EXOC2: variants seen among roughly 807,000 people sequenced by gnomAD.
The protein encoded by EXOC2 is exocyst complex component 2, also known as SEC5-like 1.
EXOC2 carries 70 observed loss-of-function variants against 131.8 expected under a neutral mutation model. The ratio of observed to expected loss-of-function variants is 0.53; its 90% CI spans 0.44 to 0.65. EXOC2 has a LOEUF of 0.65. Among genes scored for constraint, EXOC2 ranks in the 30% least tolerant of loss-of-function variants. EXOC2 has a pLI of 0.00. For missense variants in EXOC2, 923 were observed against 1,108.6 expected, an observed-to-expected ratio of 0.83 and a Z score of 2.38; for synonymous variants, 411 against 398.4, an observed-to-expected ratio of 1.03 and a Z score of -0.38.
At chr6:491,586 T>G (rs1032830789) in intron 25 of EXOC2, among the ~76,000 whole-genome samples, 1 of 152,278 alleles carries the variant, frequency 6.6e-6, no homozygotes, top group Non-Finnish European at 1.5e-5. Flanking sequence ...GGATGTGGCT[T>G]GGCATGCTTC....
Position 617,814 on chromosome 6 carries a change from T to C in EXOC2, c.558A>G (p.Ala186=), listed in dbSNP as rs1761090473. ...TAGCCTGTCTCTTTAGGTTGGTGAC[T>C]GCCATTTTGAGCTGCTCAAAACTGA... The part of the protein sequence containing the change: ...SNTSFEQLKM[A]VTNLKRQANK... The change falls in exon 6 of 28, where the codon GCA becomes GCG. Residue 186 remains alanine (A), a synonymous_variant. Coordinates refer to ENST00000230449, the MANE Select transcript of EXOC2 (RefSeq NM_018303.6). 6.2e-7 allele frequency: 1 copy of C among 1,613,554 alleles called. No homozygotes were observed. Among genetic ancestry groups the C allele is most frequent in the Admixed American group, 1.7e-5 (1 of 59,916 alleles).
At chr6:579,808 A>G (rs568785261) in intron 11 of EXOC2, among the ~76,000 whole-genome samples, 1 of 152,292 alleles carries the variant, frequency 6.6e-6, no homozygotes, top group Non-Finnish European at 1.5e-5. Context: ...CTCCTTTTAA[A>G]TTACATAACT....
intron 11 of EXOC2, among the ~76,000 whole-genome samples, chr6:583,097 CA>C (rs1384561809): frequency 6.6e-6 from 1 of 152,134 alleles, no homozygotes; most frequent in African/African-American, 2.4e-5. Flanking sequence ...ATGTTTTTGT[CA>C]AAGTCCTATG....
chr6:567,382 C>T (rs550547434), intron 13 of EXOC2, among the ~76,000 whole-genome samples: 8 of 152,294 alleles, frequency 5.3e-5, no homozygotes, highest in South Asian at 2.1e-4. Context: ...CTCCAGAGAG[C>T]GGCCTTCCCT....
At chr6:633,167 G>C in intron 2 of EXOC2, 50 bp from the exon 3 acceptor site, 1 of 1,576,786 alleles carries the variant, frequency 6.3e-7, no homozygotes, top group Non-Finnish European at 8.6e-7. Flanking sequence ...AGAACAATAA[G>C]ACCTTAATCG....
intron 6 of EXOC2, among the ~76,000 whole-genome samples, chr6:615,862 TATAAAA>T (rs758857261): frequency 6.6e-6 from 1 of 152,196 alleles, no homozygotes; most frequent in Non-Finnish European, 1.5e-5. Context: ...ACATATCACC[TATAAAA>T]ATAAAGTTTG....
chr6:671,163 T>G lies in EXOC2; in HGVS notation c.-44+21856A>C, dbSNP rs143482165. On this transcript the variant is annotated intron_variant, in intron 1 of 27. Transcript: ENST00000230449. ...CTTGAGGTCAGGAGTTAGAGACCAG[T>G]CTGGCCAACATGGCAAAATCCCGTC... is the stretch of plus-strand genomic sequence containing the variant. Among the ~76,000 whole-genome samples, 1,053 of 151,170 alleles carry G rather than the reference T, an allele frequency of 7.0e-3. 18 individuals are homozygous for G. Among genetic ancestry groups the G allele is most frequent in the African/African-American group, 0.025 (1,011 of 41,206 alleles).
At chr6:692,498 G>A (rs988512800) in intron 1 of EXOC2, among the ~76,000 whole-genome samples, 6 of 152,234 alleles carry the variant, frequency 3.9e-5, no homozygotes, top group African/African-American at 1.4e-4. Flanking sequence ...GGGTCACACG[G>A]CAGCGTACAT....
At chr6:550,863 A>C (rs527699856) in intron 21 of EXOC2, among the ~76,000 whole-genome samples, 1 of 152,348 alleles carries the variant, frequency 6.6e-6, no homozygotes, top group South Asian at 2.1e-4. Flanking sequence ...TTTTCCTTCC[A>C]GAGTCAAGTC....
chr6:570,714 G>A (rs766707166), intron 13 of EXOC2, among the ~76,000 whole-genome samples: 2 of 152,236 alleles, frequency 1.3e-5, no homozygotes, highest in African/African-American at 2.4e-5. Flanking sequence ...GGAAGCAGGT[G>A]CAGAGAAGTA....
intron 13 of EXOC2, among the ~76,000 whole-genome samples, chr6:565,930 T>C (rs1757941742): frequency 6.6e-6 from 1 of 152,158 alleles, no homozygotes; most frequent in African/African-American, 2.4e-5. Flanking sequence ...TGGGTTAGGA[T>C]TGTTGGGTGT....
chr6:592,937 G>A (rs374348639), intron 10 of EXOC2, among the ~76,000 whole-genome samples: 1 of 152,130 alleles, frequency 6.6e-6, no homozygotes, highest in East Asian at 1.9e-4. Flanking sequence ...GGCTGAGGCA[G>A]GAGAATCGCT....
At chr6:589,418 G>C (rs1047556606) in intron 11 of EXOC2, among the ~76,000 whole-genome samples, 1 of 152,046 alleles carries the variant, frequency 6.6e-6, no homozygotes, top group African/African-American at 2.4e-5. Flanking sequence ...TCTCAATGCC[G>C]ATCCGGAGAA....
Position 662,183 on chromosome 6 carries a change from CA to C in EXOC2, c.-43-24323del, listed in dbSNP as rs200078323. On this transcript the variant is annotated intron_variant, in intron 1 of 27. Transcript: ENST00000230449. ...TTACTAATAGATCTAAGCAATGAGA[CA>C]AACAGAAACACAATAATAGTGGGGG... Among the ~76,000 whole-genome samples, 902 of 152,228 alleles carry C rather than the reference CA, an allele frequency of 5.9e-3. 8 individuals carry two copies. The highest frequency in any genetic ancestry group is 0.02 in the African/African-American group (832 of 41,538).
intron 24 of EXOC2, among the ~76,000 whole-genome samples, chr6:498,436 C>T (rs552212433): frequency 8.5e-5 from 13 of 152,182 alleles, no homozygotes; most frequent in Admixed American, 6.5e-4. Context: ...TAGGATGCTA[C>T]CATAACAAAA....
Position 629,894 on chromosome 6 carries a change from G to T in EXOC2, c.363C>A (p.Asn121Lys). 1 of 1,614,138 alleles carries T rather than the reference G, an allele frequency of 6.2e-7. No individual in the cohort carries two copies. Among genetic ancestry groups the T allele is most frequent in the Non-Finnish European group, 8.5e-7 (1 of 1,179,986 alleles). The change falls in exon 4 of 28, where the codon AAC becomes AAA. Residue 121 changes from asparagine to lysine, a missense_variant. Transcript: ENST00000230449. ...MNYYDMRTDR[N>K]KGIPPLSLRP... Reference sequence around the variant, plus strand: ...GTAAGGACAAGGGCGGAATTCCTTTGTTCCTGTCAGTGCGCATATCATAAT... The same window carrying T: ...GTAAGGACAAGGGCGGAATTCCTTTTTTCCTGTCAGTGCGCATATCATAAT...
chr6:528,543 G>A lies in EXOC2; in HGVS notation c.2380+3926C>T, dbSNP rs894062714. 2.6e-5 allele frequency among the ~76,000 whole-genome samples: 4 copies of A among 152,222 alleles called. No individual in the cohort carries two copies. The East Asian group carries it at 5.8e-4, about 22-fold the overall frequency. On this transcript the variant is annotated intron_variant, in intron 23 of 27. Coordinates refer to ENST00000230449, the MANE Select transcript of EXOC2 (RefSeq NM_018303.6). Reference sequence around the variant, plus strand: ...TAAATAGAGTTTATAAAAGTGAAACGAGCACCGATGACTTCTACATGTTTT... The same window carrying A: ...TAAATAGAGTTTATAAAAGTGAAACAAGCACCGATGACTTCTACATGTTTT...
At position 562,492 on chromosome 6, in the gene EXOC2, C is replaced by A. The variant is rs900907887; in HGVS notation, c.1851+292G>T. ...CTGCTTTCCGGAAAAGCTCAAGTTG[C>A]TGAGTAATTTAGAATTGAGCATACT... On this transcript the variant is annotated intron_variant, in intron 17 of 27. Transcript: ENST00000230449. Among the ~76,000 whole-genome samples, 3 of 152,262 alleles carry A rather than the reference C, an allele frequency of 2.0e-5. No homozygotes were observed. In the East Asian group the frequency reaches 5.8e-4, roughly 29 times the overall value.
chr6:630,119 G>A (rs1761770093), intron 3 of EXOC2, among the ~76,000 whole-genome samples, 158 bp from the exon 4 acceptor site: 1 of 152,136 alleles, frequency 6.6e-6, no homozygotes. Context: ...TTTAAAAAAT[G>A]ACTAGTAGTT....
Sources: gnomAD v4.1 joint callset for allele counts (sites outside exome capture counted in the v4.1 genomes callset) on GRCh38, gnomAD v4.1.1 for gene constraint, MANE v1.5 for transcripts, NCBI Gene and HGNC (gene_info 2026-07-23, HGNC 2026-07-21) for gene names.